Variants in TLK2 observed in about 807,000 individuals in gnomAD.
TLK2 encodes the protein tousled like kinase 2.
In TLK2, 6 loss-of-function variants were observed where a neutral mutation model predicts 117.3. The ratio of observed to expected loss-of-function variants is 0.05; its 90% CI spans 0.03 to 0.10. The LOEUF (loss-of-function observed/expected upper bound fraction) is 0.10. Among genes scored for constraint, TLK2 ranks in the 10% least tolerant of loss-of-function variants. The probability of loss-of-function intolerance (pLI) is 1.00; values close to 1 mark genes in which losing one functional copy is unlikely to be tolerated. For synonymous variants in TLK2, 257 were observed against 316.7 expected, an observed-to-expected ratio of 0.81 and a Z score of 2.00; for missense variants, 299 against 901.2, an observed-to-expected ratio of 0.33 and a Z score of 8.56.
At chr17:62,496,030 A>G (rs113192664) in intron 2 of TLK2, among the ~76,000 whole-genome samples, 3,566 of 152,232 alleles carry the variant, frequency 0.023, 104 homozygotes, top group Admixed American at 0.09. Flanking sequence ...ACAGATATAC[A>G]GTGAAACATC....
chr17:62,533,204 A>T (rs2076860123), intron 6 of TLK2, among the ~76,000 whole-genome samples: 1 of 151,574 alleles, frequency 6.6e-6, no homozygotes, highest in Non-Finnish European at 1.5e-5. Context: ...GTTATATTGT[A>T]AATATTTTTG....
intron 7 of TLK2, among the ~76,000 whole-genome samples, chr17:62,547,956 A>G (rs1027491786): frequency 2.0e-5 from 3 of 151,930 alleles, no homozygotes; most frequent in Admixed American, 6.6e-5. Context: ...TGTCTTCTCT[A>G]TTTCTCTGTT....
upstream of TLK2, among the ~76,000 whole-genome samples, chr17:62,478,517 C>A (rs1401089657): frequency 6.7e-6 from 1 of 149,830 alleles, no homozygotes; most frequent in African/African-American, 2.4e-5. Context: ...CGCCCCGGGC[C>A]GCCGGACCTC....
rs577319788 is a variant in TLK2, at chr17:62,516,750, C to A, written c.82-4023C>A. On this transcript the variant is annotated intron_variant, in intron 2 of 21. Transcript: ENST00000346027. ...GGAGTTCATAAATGGCAATCCAGTT[C>A]TTCTTAGGCATCAACATCTCTGCAG... 3.2e-6 allele frequency: 5 copies of A among 1,574,642 alleles called. No individual in the cohort carries two copies. In the South Asian group the frequency reaches 5.6e-5, roughly 18 times the overall value.
Position 62,591,441 on chromosome 17 carries a change from A to C in TLK2, c.1461-5144A>C, listed in dbSNP as rs569457523. Among the ~76,000 whole-genome samples the C allele has an allele frequency of 3.9e-5, 6 of 152,144 alleles. No individual in the cohort carries two copies. In the South Asian group the frequency reaches 1.2e-3, roughly 32 times the overall value. On this transcript the variant is annotated intron_variant, in intron 16 of 21. Transcript: ENST00000346027. ...CTACATTTGCTGAGTGTCTGCAGCA[A>C]GCTCACTTCAAAACATCCAGTCCAG...
At chr17:62,544,427 G>C (rs1325366683) in intron 7 of TLK2, among the ~76,000 whole-genome samples, 4 of 152,114 alleles carry the variant, frequency 2.6e-5, no homozygotes, top group Admixed American at 6.5e-5. Context: ...CAGATCTCGT[G>C]AGAACTCACT....
intron 2 of TLK2, among the ~76,000 whole-genome samples, chr17:62,494,859 A>AG (rs1371511129): frequency 6.6e-6 from 1 of 152,198 alleles, no homozygotes; most frequent in Non-Finnish European, 1.5e-5. Context: ...TTGCTCAGAA[A>AG]GCAGAATTAA....
rs2083941169 is a variant in TLK2 at position 62,613,693 on chromosome 17, GCAAA to G, written c.*1132_*1135del. ...CTTTCTTCTGTTAGATCTTTTGGCA[GCAAA>G]CAACCTTCCCCCCAAGCCTCTGAAT... On this transcript the variant is annotated 3_prime_UTR_variant, in exon 22 of 22. Transcript: ENST00000346027. 6.6e-6 allele frequency: 1 copy of G among 152,172 alleles called. No individual in the cohort carries two copies. The highest frequency in any genetic ancestry group is 2.1e-4 in the South Asian group (1 of 4,818). The allele number at this position is 152,172 out of a possible 1,614,324, so 9.4% of individuals were successfully genotyped here.
chr17:62,474,859 A>G (rs2071007884), upstream of TLK2, among the ~76,000 whole-genome samples: 1 of 149,794 alleles, frequency 6.7e-6, no homozygotes, highest in South Asian at 2.1e-4. Context: ...ACAAGGTTTC[A>G]ATATATTGCC....
At position 62,614,727 on chromosome 17, in the gene TLK2, G is replaced by A. The variant is rs1164613313; in HGVS notation, c.*2162G>A. ...TTACAATTTATATGTATATACACAT[G>A]CACATATAAACGTGTGCATTTATGT... On this transcript the variant is annotated 3_prime_UTR_variant, in exon 22 of 22. Coordinates refer to ENST00000346027, the MANE Select transcript of TLK2 (RefSeq NM_006852.6). The A allele has an allele frequency of 6.6e-6, 1 of 152,266 alleles. No individual in the cohort carries two copies. 9.4% of individuals were successfully genotyped at this position (152,266 alleles called of 1,614,324 possible). A position where few individuals can be genotyped will look rare whatever the true frequency, so the allele number is the denominator to read the frequency against.
chr17:62,560,714 C>T (rs2079195834), intron 10 of TLK2, among the ~76,000 whole-genome samples: 1 of 148,408 alleles, frequency 6.7e-6, no homozygotes, highest in Non-Finnish European at 1.5e-5. Context: ...AGTGCAGTGG[C>T]ATGATCTCAG....
rs145912126 is a variant in TLK2, at chr17:62,522,184, A to T, written c.154-20A>T. The T allele has an allele frequency of 1.2e-6, 2 of 1,607,004 alleles. No homozygotes were observed. Among genetic ancestry groups the T allele is most frequent in the African/African-American group, 2.7e-5 (2 of 74,388 alleles). On this transcript the variant is annotated intron_variant, in intron 3 of 21. Coordinates refer to ENST00000346027, the MANE Select transcript of TLK2 (RefSeq NM_006852.6). ...AAAATTTACCAAAATGCTAATTGTG[A>T]CTTATATGGTATTTGACAGACTCCC...
intron 16 of TLK2, among the ~76,000 whole-genome samples, chr17:62,588,263 G>A (rs2081803744): frequency 6.6e-6 from 1 of 152,124 alleles, no homozygotes; most frequent in Non-Finnish European, 1.5e-5. Context: ...GAGAGCTCTA[G>A]TGTTGGATAC....
chr17:62,583,844 T>C (rs917261308), intron 15 of TLK2, among the ~76,000 whole-genome samples: 2 of 152,178 alleles, frequency 1.3e-5, no homozygotes, highest in Admixed American at 6.6e-5. Context: ...CCCAAAGTGC[T>C]GGGATTACAG....
chr17:62,581,218 G>A lies in TLK2; in HGVS notation c.1368+1026G>A, dbSNP rs372958320. Among the ~76,000 whole-genome samples the A allele has an allele frequency of 9.9e-5, 15 of 152,248 alleles. No homozygotes were observed. The East Asian group carries it at 2.7e-3, about 27-fold the overall frequency. The stretch of plus-strand genomic sequence containing the variant: ...GGGTCTTGCTACATTGCCCAGGCAG[G>A]TCTCAAACTTATGGGCTCAAGCAAT... On this transcript the variant is annotated intron_variant, in intron 15 of 21. Coordinates refer to ENST00000346027, the MANE Select transcript of TLK2 (RefSeq NM_006852.6).
intron 2 of TLK2, among the ~76,000 whole-genome samples, chr17:62,517,377 AATTTTTT>A (rs1483412707): frequency 6.6e-6 from 1 of 151,934 alleles, no homozygotes; most frequent in East Asian, 1.9e-4. Context: ...ATAGCTTTGT[AATTTTTT>A]ATTTTTTATT....
intron 16 of TLK2, among the ~76,000 whole-genome samples, chr17:62,592,487 A>G (rs1321897431): frequency 6.6e-6 from 1 of 152,204 alleles, no homozygotes; most frequent in Non-Finnish European, 1.5e-5. Flanking sequence ...TTGTTGTGCA[A>G]ACATCACAGA....
At chr17:62,472,108 G>C (rs1213471220) in intron 1 of TLK2, among the ~76,000 whole-genome samples, 1 of 150,962 alleles carries the variant, frequency 6.6e-6, no homozygotes, top group East Asian at 2.0e-4. Flanking sequence ...GGGTTTCACC[G>C]TGTTAGCCAG....
In TLK2 at chr17:62,534,249, T is replaced by C. The variant is rs189227238; in HGVS notation, c.364-1921T>C. Among the ~76,000 whole-genome samples the C allele has an allele frequency of 5.3e-5, 8 of 152,312 alleles. No individual in the cohort carries two copies. The East Asian group carries it at 1.3e-3, about 26-fold the overall frequency. The stretch of plus-strand genomic sequence containing the variant: ...CATGAGAGAGAACCTAGATGACCAC[T>C]ATACCACCATAAGACTACCCCTTGG... On this transcript the variant is annotated intron_variant, in intron 6 of 21. Transcript: ENST00000346027.
Sources: gnomAD v4.1 joint callset for allele counts (sites outside exome capture counted in the v4.1 genomes callset) on GRCh38, gnomAD v4.1.1 for gene constraint, MANE v1.5 for transcripts, NCBI Gene and HGNC (gene_info 2026-07-23, HGNC 2026-07-21) for gene names.